The following SCOC variants were observed in gnomAD, a reference collection of about 807,000 sequenced individuals.
SCOC encodes short coiled coil protein.
Under a neutral mutation model 9.9 loss-of-function variants are expected in SCOC, and 7 were observed. The ratio of observed to expected loss-of-function variants is 0.71; its 90% CI spans 0.40 to 1.33. The LOEUF is 1.33. Ranked by LOEUF, SCOC falls within the 40% of genes most tolerant of loss-of-function variation. The pLI is 0.01. For synonymous variants in SCOC, 19 were observed against 28.2 expected (o/e 0.67, Z 1.03); for missense variants, 66 against 89.7 (o/e 0.74, Z 1.07).
intron 1 of SCOC, among the ~76,000 whole-genome samples, chr4:140,300,297 G>A (rs1031353058): frequency 3.9e-5 from 6 of 152,076 alleles, no homozygotes; most frequent in Non-Finnish European, 8.8e-5. Context: ...TCACTTCCTC[G>A]CTCCCCTTCC....
upstream of SCOC, among the ~76,000 whole-genome samples, chr4:140,342,000 C>T (rs1341304276): frequency 6.6e-6 from 1 of 152,168 alleles, no homozygotes; most frequent in African/African-American, 2.4e-5. Flanking sequence ...AATGTCCCTC[C>T]AACCTTTCTG....
At chr4:140,275,288 C>T in intron 1 of SCOC, among the ~76,000 whole-genome samples, 1 of 152,236 alleles carries the variant, frequency 6.6e-6, no homozygotes, top group East Asian at 1.9e-4. Context: ...TAGACCACCA[C>T]CTGCATGAAA....
At chr4:140,328,462 T>G (rs929075983) in intron 1 of SCOC, among the ~76,000 whole-genome samples, 4 of 152,206 alleles carry the variant, frequency 2.6e-5, no homozygotes, top group Non-Finnish European at 4.4e-5. Context: ...TCGACCTCTG[T>G]GCCCAACATT....
At chr4:140,358,674 A>G (rs1374494656) in intron 2 of SCOC, among the ~76,000 whole-genome samples, 1 of 152,198 alleles carries the variant, frequency 6.6e-6, no homozygotes, top group East Asian at 1.9e-4. Context: ...CCTTGGGAGA[A>G]TTCAGAAAGT....
At chr4:140,376,448 C>A (rs1728347095) in intron 1 of SCOC, 1 of 152,128 alleles carries the variant, frequency 6.6e-6, no homozygotes, top group South Asian at 2.1e-4. Context: ...GTAGGGCTGC[C>A]AGATACAGTG....
chr4:140,354,764 A>G (rs1022193087), intron 2 of SCOC, among the ~76,000 whole-genome samples: 2 of 151,984 alleles, frequency 1.3e-5, no homozygotes, highest in Non-Finnish European at 2.9e-5. Flanking sequence ...CAGGAGTTGG[A>G]AAAAATGATT....
intron 1 of SCOC, among the ~76,000 whole-genome samples, chr4:140,279,568 G>A (rs190112162): frequency 4.6e-5 from 7 of 152,160 alleles, no homozygotes; most frequent in African/African-American, 1.2e-4. Context: ...TTTGAGCTTC[G>A]ATTCGATTCT....
intron 1 of SCOC, among the ~76,000 whole-genome samples, chr4:140,331,399 C>G (rs1056072310): frequency 2.0e-5 from 3 of 152,104 alleles, no homozygotes; most frequent in Non-Finnish European, 4.4e-5. Flanking sequence ...ATTTCCTGAT[C>G]ACTCCCCACT....
rs990001404 is a variant in SCOC at position 140,366,249 on chromosome 4, G to A, written c.71-12872G>A. 1.2e-5 allele frequency: 15 copies of A among 1,216,184 alleles called. No individual in the cohort carries two copies. The African/African-American group carries it at 1.4e-4, about 12-fold the overall frequency. The allele number at this position is 1,216,184 out of a possible 1,614,324, so 75.3% of individuals were successfully genotyped here. ...TCTAATCACCTCTTTCTTGCCAAAC[G>A]CTTTTGGAGCAGGTGCTTTCTGGGC... On this transcript the variant is annotated intron_variant, in intron 2 of 4. Coordinates refer to the SCOC transcript ENST00000338517.
chr4:140,316,146 C>T (rs1478521021), intron 1 of SCOC, among the ~76,000 whole-genome samples: 3 of 152,076 alleles, frequency 2.0e-5, no homozygotes, highest in Non-Finnish European at 4.4e-5. Flanking sequence ...TATGCCAGCT[C>T]CAGGGCCTCA....
intron 2 of SCOC, among the ~76,000 whole-genome samples, chr4:140,347,828 T>C (rs1726804378): frequency 6.6e-6 from 1 of 152,222 alleles, no homozygotes; most frequent in African/African-American, 2.4e-5. Flanking sequence ...CTTTTACATA[T>C]ACCAGACATT....
intron 1 of SCOC, among the ~76,000 whole-genome samples, chr4:140,265,372 C>T (rs1730711061): frequency 6.6e-6 from 1 of 152,146 alleles, no homozygotes; most frequent in Non-Finnish European, 1.5e-5. Context: ...CAGAGCATTT[C>T]GGTATATTGC....
intron 1 of SCOC, among the ~76,000 whole-genome samples, chr4:140,331,163 A>G (rs995339062): frequency 6.6e-6 from 1 of 152,198 alleles, no homozygotes; most frequent in African/African-American, 2.4e-5. Context: ...TGATAAGGAC[A>G]ATAGCATTTT....
rs367724453 is a variant in SCOC at position 140,380,925 on chromosome 4, G to A, written c.107-37G>A. On this transcript the variant is annotated intron_variant, in intron 3 of 3. Transcript: ENST00000608372. ...TTTGTAATATGGAATCATTGTCATT[G>A]TTTTATTGATAATGGGCATTTTTAT... 30 of 1,408,148 alleles carry A rather than the reference G, an allele frequency of 2.1e-5. No homozygotes were observed. In the African/African-American group the frequency reaches 4.1e-4, roughly 19 times the overall value. The allele number at this position is 1,408,148 out of a possible 1,614,324, so 87.2% of individuals were successfully genotyped here.
At chr4:140,317,605 C>T (rs1347828009) in intron 1 of SCOC, among the ~76,000 whole-genome samples, 3 of 148,920 alleles carry the variant, frequency 2.0e-5, no homozygotes, top group African/African-American at 7.5e-5. Context: ...TGCTGACGCT[C>T]CCAGCTGAAT....
intron 1 of SCOC, among the ~76,000 whole-genome samples, chr4:140,271,488 C>T (rs559442657): frequency 8.5e-5 from 13 of 152,180 alleles, no homozygotes; most frequent in Non-Finnish European, 1.8e-4. Context: ...AAAGGTTTGG[C>T]ACTGTGGTCT....
chr4:140,358,285 G>A (rs1553924), intron 2 of SCOC, among the ~76,000 whole-genome samples: 145,827 of 152,358 alleles, frequency 0.96, 69,848 homozygotes, highest in East Asian at 0.99. Context: ...AGATAGTTAC[G>A]ATCATTGCTG....
chr4:140,311,499 T>C (rs1270523276), intron 1 of SCOC, among the ~76,000 whole-genome samples: 1 of 152,118 alleles, frequency 6.6e-6, no homozygotes, highest in Non-Finnish European at 1.5e-5. Flanking sequence ...CCTAGATGAA[T>C]TCTTAGGATG....
At chr4:140,353,769 G>T (rs1172387828) in intron 2 of SCOC, among the ~76,000 whole-genome samples, 2 of 152,192 alleles carry the variant, frequency 1.3e-5, no homozygotes, top group East Asian at 3.9e-4. Context: ...TGGTCTGGAA[G>T]AACAGTGAGC....
Sources: allele counts gnomAD v4.1 joint callset (sites outside exome capture counted in the v4.1 genomes callset), GRCh38; gene constraint gnomAD v4.1.1; transcripts MANE v1.5; gene names NCBI Gene and HGNC (gene_info 2026-07-23, HGNC 2026-07-21).